Variants in PTPN11 observed in about 807,000 individuals in gnomAD.
The protein encoded by PTPN11 is tyrosine-protein phosphatase non-receptor type 11.
Under a neutral mutation model 78.8 loss-of-function variants are expected in PTPN11, and 6 were observed. That is an observed-to-expected ratio of 0.08 (90% CI 0.04 to 0.15). The LOEUF (loss-of-function observed/expected upper bound fraction) is 0.15. Ranked by LOEUF, PTPN11 falls within the 10% of genes least tolerant of loss-of-function variation. The pLI is 1.00. For missense variants in PTPN11, 386 were observed against 744.8 expected, an observed-to-expected ratio of 0.52 and a Z score of 5.61; for synonymous variants, 221 against 263.5, an observed-to-expected ratio of 0.84 and a Z score of 1.56.
chr12:112,471,336 A>C (rs2038411383), intron 6 of PTPN11, among the ~76,000 whole-genome samples: 1 of 150,824 alleles, frequency 6.6e-6, no homozygotes, highest in African/African-American at 2.4e-5. Flanking sequence ...TTTCCCATTA[A>C]ACACTAGGCT....
chr12:112,490,015 T>G (rs1288435587), intron 13 of PTPN11, among the ~76,000 whole-genome samples: 1 of 152,168 alleles, frequency 6.6e-6, no homozygotes, highest in African/African-American at 2.4e-5. Flanking sequence ...TTAGTAGGTT[T>G]TCAGTCCGCA....
intron 1 of PTPN11, among the ~76,000 whole-genome samples, chr12:112,429,654 A>T (rs536822570): frequency 6.6e-6 from 1 of 151,862 alleles, no homozygotes; most frequent in African/African-American, 2.4e-5. Context: ...ATACAGAAAA[A>T]TTAACTGGGT....
At chr12:112,488,792 T>A (rs2038710705) in intron 12 of PTPN11, among the ~76,000 whole-genome samples, 1 of 152,080 alleles carries the variant, frequency 6.6e-6, no homozygotes, top group African/African-American at 2.4e-5. Flanking sequence ...CAGTATGGGG[T>A]GATTTGTTGG....
In PTPN11 at chr12:112,482,134, G is replaced by A. The variant is rs769798916; in HGVS notation, c.1153G>A (p.Val385Ile). ...TCTAAAAGAATATGGCGTCATGCGTGTTAGGAACGTCAAAGAAAGCGCCGC... is the reference window on the plus strand; with the variant it reads ...TCTAAAAGAATATGGCGTCATGCGTATTAGGAACGTCAAAGAAAGCGCCGC... ...YALKEYGVMR[V>I]RNVKESAAHD... Residue 385 changes from valine to isoleucine, a missense_variant, in exon 10 of 16, where the codon GTT (valine) becomes ATT (isoleucine). Val to Ile is a conservative substitution (Grantham distance 29, BLOSUM62 3). Transcript: ENST00000351677. This position sits in a 1 kb window ranked among gnomAD's most constrained non-coding sequence, Gnocchi z 4.4. The A allele has an allele frequency of 1.2e-6, 2 of 1,606,188 alleles. No individual in the cohort carries two copies. The highest frequency in any genetic ancestry group is 2.2e-5 in the East Asian group (1 of 44,824).
At chr12:112,435,990 G>A (rs2037782934) in intron 1 of PTPN11, among the ~76,000 whole-genome samples, 1 of 151,976 alleles carries the variant, frequency 6.6e-6, no homozygotes, top group Non-Finnish European at 1.5e-5. Context: ...TTTGAGACCA[G>A]CCTGAACAAC....
chr12:112,487,474 C>T (rs1441263161), intron 11 of PTPN11, among the ~76,000 whole-genome samples: 1 of 152,074 alleles, frequency 6.6e-6, no homozygotes, highest in Non-Finnish European at 1.5e-5. Context: ...TCTCCCCTAA[C>T]ACTATATTTG....
intron 6 of PTPN11, among the ~76,000 whole-genome samples, chr12:112,470,500 G>T (rs551079138): frequency 6.6e-6 from 1 of 152,206 alleles, no homozygotes; most frequent in Non-Finnish European, 1.5e-5. Flanking sequence ...GCCCTGATTA[G>T]CTCAGAGACT....
At chr12:112,452,925 A>T (rs1203156822) in intron 3 of PTPN11, among the ~76,000 whole-genome samples, 1 of 150,054 alleles carries the variant, frequency 6.7e-6, no homozygotes, top group Non-Finnish European at 1.5e-5. Flanking sequence ...GGAGGGATTT[A>T]AAAAAAAACA....
chr12:112,424,147 A>G (rs1024392968), intron 1 of PTPN11, among the ~76,000 whole-genome samples: 1 of 152,174 alleles, frequency 6.6e-6, no homozygotes, highest in Non-Finnish European at 1.5e-5. Flanking sequence ...AGAATTATTT[A>G]TGGTGGGATA....
intron 6 of PTPN11, among the ~76,000 whole-genome samples, chr12:112,469,818 G>A (rs2038385669): frequency 6.6e-6 from 1 of 152,142 alleles, no homozygotes; most frequent in Non-Finnish European, 1.5e-5. Context: ...CCTGGCTGAG[G>A]CAGTTTCTTT....
At chr12:112,456,331 A>G (rs1224766326) in intron 6 of PTPN11, among the ~76,000 whole-genome samples, 2 of 152,134 alleles carry the variant, frequency 1.3e-5, no homozygotes, top group African/African-American at 4.8e-5. Context: ...CTGGTGGCAA[A>G]ATCTCAGAGA....
intron 1 of PTPN11, among the ~76,000 whole-genome samples, chr12:112,438,875 C>G (rs1426153610): frequency 6.6e-6 from 1 of 152,094 alleles, no homozygotes; most frequent in African/African-American, 2.4e-5. Context: ...TCCTCCCACC[C>G]TAGCCTGCCA....
intron 6 of PTPN11, among the ~76,000 whole-genome samples, chr12:112,463,176 T>G (rs1380257752): frequency 6.6e-6 from 1 of 152,006 alleles, no homozygotes; most frequent in East Asian, 1.9e-4. Flanking sequence ...AACTTAAAAA[T>G]TACAGCATTT....
chr12:112,420,426 A>G (rs1327105424), intron 1 of PTPN11, among the ~76,000 whole-genome samples: 1 of 151,720 alleles, frequency 6.6e-6, no homozygotes, highest in Admixed American at 6.6e-5. Flanking sequence ...GCTCACCACA[A>G]TCTCCGCCTC....
At chr12:112,421,924 C>T (rs553169728) in intron 1 of PTPN11, among the ~76,000 whole-genome samples, 36 of 152,224 alleles carry the variant, frequency 2.4e-4, no homozygotes, top group African/African-American at 7.2e-4. Flanking sequence ...TATTGCGTCC[C>T]GCCTTCAAAT....
At position 112,447,748 on chromosome 12, in the gene PTPN11, C is replaced by T. The variant is rs145069008; in HGVS notation, c.137+1350C>T. 9.9e-5 allele frequency among the ~76,000 whole-genome samples: 15 copies of T among 151,670 alleles called. No homozygotes were observed. In the East Asian group the frequency reaches 2.7e-3, roughly 27 times the overall value. Reference sequence around the variant, plus strand: ...CTCCTGACCTCAGGTGATCTGCCTGCCTTGGCCTCCCAAAGTGCTGGAATT... The same window carrying T: ...CTCCTGACCTCAGGTGATCTGCCTGTCTTGGCCTCCCAAAGTGCTGGAATT... On this transcript the variant is annotated intron_variant, in intron 2 of 15. Transcript: ENST00000351677.
At chr12:112,430,375 T>C (rs1000114543) in intron 1 of PTPN11, among the ~76,000 whole-genome samples, 1 of 152,194 alleles carries the variant, frequency 6.6e-6, no homozygotes, top group African/African-American at 2.4e-5. Flanking sequence ...AATGTAAGTA[T>C]GGATAAATCA....
rs191798571 is a variant in PTPN11, at chr12:112,507,671, T to G, written c.*1879T>G. On this transcript the variant is annotated 3_prime_UTR_variant, in exon 16 of 16. Coordinates refer to ENST00000351677, the MANE Select transcript of PTPN11 (RefSeq NM_002834.5). ...TGCTATGGCATCTTTGCCATGAAGT[T>G]GTGGCCTCCTTGGATTCTTCTGACT... The G allele has an allele frequency of 6.5e-6, 1 of 152,864 alleles. No individual in the cohort carries two copies. Among genetic ancestry groups the G allele is most frequent in the Non-Finnish European group, 1.5e-5 (1 of 68,052 alleles). The allele number at this position is 152,864 out of a possible 1,614,324, so 9.5% of individuals were successfully genotyped here.
intron 9 of PTPN11, among the ~76,000 whole-genome samples, chr12:112,479,222 CTG>C (rs1240384917): frequency 6.6e-6 from 1 of 151,878 alleles, no homozygotes; most frequent in Non-Finnish European, 1.5e-5. Flanking sequence ...TGACAGCCCT[CTG>C]TGTTATCTCA....
Sources: allele counts gnomAD v4.1 joint callset (sites outside exome capture counted in the v4.1 genomes callset), GRCh38; gene constraint gnomAD v4.1.1; non-coding constraint Gnocchi (gnomAD v3.1); transcripts MANE v1.5; gene names NCBI Gene and HGNC (gene_info 2026-07-23, HGNC 2026-07-21).